The following ZNF780A variants were observed in gnomAD, a reference collection of about 807,000 sequenced individuals.
ZNF780A encodes the protein zinc finger protein 780A.
In ZNF780A, 40 loss-of-function variants were observed where a neutral mutation model predicts 56.7. The observed-to-expected ratio is 0.71, with a 90% confidence interval of 0.55 to 0.92. The LOEUF is 0.92. Among genes scored for constraint, ZNF780A ranks in the 40% least tolerant of loss-of-function variants. The pLI, the probability that ZNF780A is intolerant of heterozygous loss-of-function variation, is 0.00. For synonymous variants in ZNF780A, 231 were observed against 248.3 expected (o/e 0.93, Z 0.66); for missense variants, 672 against 783.3 (o/e 0.86, Z 1.70).
At chr19:40,083,685 A>AAAG (rs1974617879) in intron 3 of ZNF780A, among the ~76,000 whole-genome samples, 8 of 151,764 alleles carry the variant, frequency 5.3e-5, no homozygotes, top group Admixed American at 4.6e-4. Flanking sequence ...AAAAAAAAAA[A>AAAG]AAAGGTGGCA....
chr19:40,090,636 C>T (rs1223395746), intron 1 of ZNF780A: 1 of 152,332 alleles, frequency 6.6e-6, no homozygotes. Context: ...GCAAAGTGCG[C>T]TGCGTCCACA....
rs1323728450 is a variant in ZNF780A, at chr19:40,075,210, T to A, written c.1232A>T (p.His411Leu). Residue 411 changes from histidine (H) to leucine (L), a missense_variant, in exon 6 of 6, where the codon CAT becomes CTT. His to Leu is a moderately conservative substitution (Grantham distance 99). Coordinates refer to ENST00000683561, the MANE Select transcript of ZNF780A (RefSeq NM_001142578.2). The part of the protein sequence containing the change: ...SSNLVQHQSI[H>L]AGIKPYECKE... The stretch of plus-strand genomic sequence containing the variant: ...ACATTCATATGGTTTTATACCAGCA[T>A]GAATACTCTGATGTTGAACAAGGTT... The A allele has an allele frequency of 6.2e-7, 1 of 1,613,406 alleles. No homozygotes were observed. Among genetic ancestry groups the A allele is most frequent in the Non-Finnish European group, 8.5e-7 (1 of 1,179,906 alleles).
chr19:40,071,949 G>C (rs1973833022), downstream of ZNF780A: 1 of 152,172 alleles, frequency 6.6e-6, no homozygotes, highest in Non-Finnish European at 1.5e-5. Context: ...GATGGACCAG[G>C]CCTTTTCAAA....
chr19:40,087,371 C>CT (rs1974869434), intron 2 of ZNF780A, among the ~76,000 whole-genome samples: 1 of 152,040 alleles, frequency 6.6e-6, no homozygotes, highest in Non-Finnish European at 1.5e-5. Context: ...AAGTAGCACC[C>CT]TCCCCGACAG....
chr19:40,087,508 T>A (rs904123544), intron 2 of ZNF780A, among the ~76,000 whole-genome samples: 1 of 152,156 alleles, frequency 6.6e-6, no homozygotes, highest in Non-Finnish European at 1.5e-5. Flanking sequence ...ACACTATTTC[T>A]CCCCCTAAAA....
intron 5 of ZNF780A, among the ~76,000 whole-genome samples, chr19:40,078,457 A>G: frequency 6.6e-6 from 1 of 152,180 alleles, no homozygotes; most frequent in Non-Finnish European, 1.5e-5. Flanking sequence ...ACCCAAATAC[A>G]TAACAACACA....
intron 4 of ZNF780A, 90 bp downstream of exon 4, chr19:40,083,021 C>T (rs1974569869): frequency 6.2e-7 from 1 of 1,601,870 alleles, no homozygotes; most frequent in Non-Finnish European, 8.5e-7. Context: ...AATTCAGCCA[C>T]CTCTTAAAAG....
intron 3 of ZNF780A, among the ~76,000 whole-genome samples, chr19:40,083,763 CT>C (rs1405794267): frequency 6.7e-6 from 1 of 149,772 alleles, no homozygotes; most frequent in Non-Finnish European, 1.5e-5. Context: ...AGTATTTTTT[CT>C]TGTCATGACA....
At position 40,075,299 on chromosome 19, in the gene ZNF780A, G is replaced by T. The variant is rs756590424; in HGVS notation, c.1143C>A (p.Asn381Lys). 1 of 1,613,296 alleles carries T rather than the reference G, an allele frequency of 6.2e-7. No individual in the cohort carries two copies. Among genetic ancestry groups the T allele is most frequent in the Non-Finnish European group, 8.5e-7 (1 of 1,179,878 alleles). The change falls in exon 6 of 6, where the codon AAC becomes AAA. Residue 381 changes from asparagine to lysine, a missense_variant. Transcript: ENST00000683561. Reference protein sequence around the residue: ...SLLNQLNRHKNIHTGEKPFEC... With the variant: ...SLLNQLNRHKKIHTGEKPFEC... ...CAAACGGTTTTTCACCTGTGTGAATGTTCTTATGGCGATTAAGCTGGTTGA... is the reference window on the plus strand; with the variant it reads ...CAAACGGTTTTTCACCTGTGTGAATTTTCTTATGGCGATTAAGCTGGTTGA...
intron 5 of ZNF780A, among the ~76,000 whole-genome samples, chr19:40,077,555 G>A (rs1462381946): frequency 1.3e-5 from 2 of 151,852 alleles, no homozygotes; most frequent in South Asian, 4.2e-4. Context: ...CTCCCACCAG[G>A]CCCCATCTCC....
chr19:40,089,519 G>A (rs1356742604), intron 2 of ZNF780A: 4 of 291,218 alleles, frequency 1.4e-5, no homozygotes, highest in Admixed American at 1.0e-4. Flanking sequence ...GGGGCTTTAC[G>A]ATATTAATTC....
rs74805553 is a variant in ZNF780A at position 40,076,132 on chromosome 19, T to A, written c.310A>T (p.Ile104Leu). The change falls in exon 6 of 6, where the codon ATA (isoleucine) becomes TTA (leucine). Residue 104 changes from isoleucine to leucine, a missense_variant. By Grantham distance (5) the Ile-to-Leu change is conservative. Transcript: ENST00000683561. The stretch of plus-strand genomic sequence containing the variant: ...CCAAGAGTTGTACTTATTTGCTTTA[T>A]AACCTGTTTGGGTAAATTTACTTCA... ...TSEVNLPKQV[I>L]KQISTTLGIE... is the part of the protein sequence containing the mutation. The A allele has an allele frequency of 5.7e-3, 9,116 of 1,605,424 alleles. 706 individuals carry two copies. The East Asian group carries it at 0.17, about 30-fold the overall frequency.
At chr19:40,085,946 A>G (rs889023487) in intron 2 of ZNF780A, among the ~76,000 whole-genome samples, 7 of 150,522 alleles carry the variant, frequency 4.7e-5, no homozygotes, top group African/African-American at 1.2e-4. Flanking sequence ...ACACACACAC[A>G]CGTGTGTGTA....
At position 40,075,894 on chromosome 19, in the gene ZNF780A, T is replaced by G. The variant is rs1974105342; in HGVS notation, c.548A>C (p.His183Pro). The change falls in exon 6 of 6, where the codon CAT becomes CCT. Residue 183 changes from histidine (H) to proline (P), a missense_variant. Physicochemically the swap from His to Pro is moderately conservative, Grantham distance 77. Coordinates refer to ENST00000683561, the MANE Select transcript of ZNF780A (RefSeq NM_001142578.2). ...YFSRSANLIQHQSIHTGEKPF... is the reference protein window; with the variant it reads ...YFSRSANLIQPQSIHTGEKPF... ...TTTCTCTCCAGTATGAATACTCTGA[T>G]GCTGAATAAGATTTGCACTACGACT... is the stretch of plus-strand genomic sequence containing the variant. 6.2e-7 allele frequency: 1 copy of G among 1,614,156 alleles called. No homozygotes were observed. The highest frequency in any genetic ancestry group is 8.5e-7 in the Non-Finnish European group (1 of 1,180,014).
rs144263685 is a variant in ZNF780A, at chr19:40,075,575, A to G, written c.867T>C (p.Gly289=). The G allele has an allele frequency of 6.2e-7, 1 of 1,613,496 alleles. No homozygotes were observed. The highest frequency in any genetic ancestry group is 2.2e-5 in the East Asian group (1 of 44,794). ...CKECGKGFNR[G]AHLIQHQKIH... is the part of the protein sequence containing the mutation. ...TTTTCTGATGCTGAATAAGGTGTGC[A>G]CCACGATTAAAGCCTTTCCCACACT... Residue 289 remains glycine, a synonymous_variant, in exon 6 of 6, where the codon GGT becomes GGC. Coordinates refer to ENST00000683561, the MANE Select transcript of ZNF780A (RefSeq NM_001142578.2).
Position 40,074,915 on chromosome 19 carries a change from A to G in ZNF780A, c.1527T>C (p.Ala509=). ...GGGAAAGTTGTAGGTAAAGTCTAAA[A>G]GCCTTCCCACACTCCTTACATTCAT... ...KPYECKECGK[A]FRLYLQLSQH... Residue 509 remains alanine, a synonymous_variant, in exon 6 of 6, where the codon GCT becomes GCC. Coordinates refer to ENST00000683561, the MANE Select transcript of ZNF780A (RefSeq NM_001142578.2). 1 of 1,611,290 alleles carries G rather than the reference A, an allele frequency of 6.2e-7. No homozygotes were observed. Among genetic ancestry groups the G allele is most frequent in the Non-Finnish European group, 8.5e-7 (1 of 1,179,110 alleles).
At chr19:40,084,844 C>G (rs1226511573) in intron 2 of ZNF780A, 46 bp from the exon 3 acceptor site, 37 of 1,541,650 alleles carry the variant, frequency 2.4e-5, no homozygotes, top group Non-Finnish European at 3.1e-5. Flanking sequence ...AGCTGTGTCT[C>G]AAAAGCAAAT....
At chr19:40,084,664 C>G in intron 3 of ZNF780A, 81 bp downstream of exon 3, 1 of 1,417,770 alleles carries the variant, frequency 7.1e-7, no homozygotes, top group Non-Finnish European at 9.6e-7. Context: ...ATTCTAGGTA[C>G]GAAGCTTCAG....
At chr19:40,089,129 TAAC>T (rs1974984503) in intron 2 of ZNF780A, 3 of 840,964 alleles carry the variant, frequency 3.6e-6, no homozygotes, top group Non-Finnish European at 4.9e-6. Flanking sequence ...CTCCAATTAA[TAAC>T]AATATTCTGT....
Sources: allele counts gnomAD v4.1 joint callset (sites outside exome capture counted in the v4.1 genomes callset), GRCh38; gene constraint gnomAD v4.1.1; transcripts MANE v1.5; gene names NCBI Gene and HGNC (gene_info 2026-07-23, HGNC 2026-07-21).